Variants in PAX6 observed in about 807,000 individuals in gnomAD.
The protein encoded by PAX6 is paired box protein Pax-6.
In PAX6, 7 loss-of-function variants were observed where a neutral mutation model predicts 60.7. The ratio of observed to expected loss-of-function variants is 0.12; its 90% CI spans 0.07 to 0.22. The LOEUF (loss-of-function observed/expected upper bound fraction) is 0.22, where lower values mean the gene tolerates loss of function less well. Ranked by LOEUF, PAX6 falls within the 10% of genes least tolerant of loss-of-function variation. PAX6 has a pLI of 1.00. For missense variants in PAX6, 355 were observed against 555.2 expected (o/e 0.64, Z 3.62); for synonymous variants, 208 against 201.2 (o/e 1.03, Z -0.29).
upstream of PAX6, among the ~76,000 whole-genome samples, chr11:31,813,460 G>T (rs775734264): frequency 3.3e-5 from 5 of 150,934 alleles, no homozygotes; most frequent in Non-Finnish European, 5.9e-5. Flanking sequence ...ATTAGCGACC[G>T]AGTGGATTAG....
At chr11:31,815,327 C>T (rs1190298561), upstream of PAX6, among the ~76,000 whole-genome samples, 2 of 152,206 alleles carry the variant, frequency 1.3e-5, no homozygotes, top group Non-Finnish European at 2.9e-5. Flanking sequence ...GTAACCTCTG[C>T]CCCCAAGAGG....
At chr11:31,793,386 T>A in intron 12 of PAX6, 52 bp downstream of exon 12, 1 of 1,503,864 alleles carries the variant, frequency 6.6e-7, no homozygotes, top group Non-Finnish European at 9.3e-7. Flanking sequence ...CCTGAGCCAC[T>A]CCTCACTTCT....
At chr11:31,815,980 C>T (rs1228280717), upstream of PAX6, among the ~76,000 whole-genome samples, 1 of 152,058 alleles carries the variant, frequency 6.6e-6, no homozygotes, top group East Asian at 1.9e-4. Context: ...CGGCCCGATG[C>T]CTCTGATTCC....
intron 3 of PAX6, 45 bp from the exon 4 acceptor site, chr11:31,806,507 G>A (rs895361032): frequency 3.3e-6 from 5 of 1,499,878 alleles, no homozygotes; most frequent in South Asian, 1.2e-5. Flanking sequence ...AGCTGCATCA[G>A]GTAGGCCTGA....
At chr11:31,807,293 A>C (rs1956044600) in intron 2 of PAX6, 1 of 152,628 alleles carries the variant, frequency 6.6e-6, no homozygotes. Flanking sequence ...GGAATACCTG[A>C]AGTTTGGAGA....
In PAX6 at chr11:31,789,860, C is replaced by T; in HGVS notation, c.*74G>A. 7.4e-7 allele frequency: 1 copy of T among 1,347,378 alleles called. No homozygotes were observed. The allele number at this position is 1,347,378 out of a possible 1,614,324, so 83.5% of individuals were successfully genotyped here. ...CATTTTTCTTTCTTTCCTGAAAGCT[C>T]AACTGTTGTGTCCCCATAGTCACTG... On this transcript the variant is annotated 3_prime_UTR_variant, in exon 14 of 14. Transcript: ENST00000640368.
At chr11:31,806,142 TC>T in intron 4 of PAX6, 1 of 483,116 alleles carries the variant, frequency 2.1e-6, no homozygotes, top group Non-Finnish European at 3.6e-6. Context: ...GGATGGGGTT[TC>T]TCTACCGCAG....
upstream of PAX6, among the ~76,000 whole-genome samples, chr11:31,813,614 G>T (rs1957237267): frequency 6.6e-6 from 1 of 152,036 alleles, no homozygotes; most frequent in Non-Finnish European, 1.5e-5. Flanking sequence ...CAAAAAATCA[G>T]AAAAGGCAAG....
rs905077670 is a variant in PAX6, at chr11:31,789,806, A to G, written c.*128T>C. 6 of 839,088 alleles carry G rather than the reference A, an allele frequency of 7.2e-6. No individual in the cohort carries two copies. Among genetic ancestry groups the G allele is most frequent in the Non-Finnish European group, 1.2e-5 (6 of 499,494 alleles). The allele number at this position is 839,088 out of a possible 1,614,324, so 52.0% of individuals were successfully genotyped here. On this transcript the variant is annotated 3_prime_UTR_variant, in exon 14 of 14. Transcript: ENST00000640368. Reference sequence around the variant, plus strand: ...TCCCCAGTGGTACAATACAGGACACAATTGTAGAACTGAAGCGGCTCTAAC... The same window carrying G: ...TCCCCAGTGGTACAATACAGGACACGATTGTAGAACTGAAGCGGCTCTAAC...
intron 4 of PAX6, chr11:31,805,209 G>C (rs1267808101): frequency 6.6e-6 from 1 of 152,270 alleles, no homozygotes; most frequent in Non-Finnish European, 1.5e-5. Flanking sequence ...GCTCAGGGCT[G>C]CGCGCCCTGG....
At chr11:31,815,024 C>CTCTCTCTCTCTCTCTCTCTT (rs1957312085), upstream of PAX6, 1 of 149,760 alleles carries the variant, frequency 6.7e-6, no homozygotes, top group Admixed American at 6.6e-5. Flanking sequence ...CTCTCTCTCT[C>CTCTCTCTCTCTCTCTCTCTT]TCTCTTTCTC....
intron 8 of PAX6, among the ~76,000 whole-genome samples, chr11:31,797,542 G>A (rs1419592829): frequency 1.3e-5 from 2 of 151,694 alleles, no homozygotes; most frequent in Non-Finnish European, 2.9e-5. Context: ...TGGGAAGCGG[G>A]GATTGGAATT....
chr11:31,809,625 G>C (rs1032256799), intron 2 of PAX6: 3 of 152,122 alleles, frequency 2.0e-5, no homozygotes, highest in African/African-American at 7.2e-5. Context: ...AAGGAAAGAG[G>C]CAACAACTTT....
intron 5 of PAX6, chr11:31,802,481 T>G: frequency 3.9e-6 from 2 of 507,048 alleles, no homozygotes; most frequent in East Asian, 3.3e-5. Context: ...CTGAAGCAGA[T>G]GAGTTATCTT....
chr11:31,814,990 G>GTC (rs71060502), upstream of PAX6: 8,192 of 130,366 alleles, frequency 0.063, 353 homozygotes, highest in Admixed American at 0.12. Flanking sequence ...AGGCCAGCCT[G>GTC]TCTCTCTCTC....
intron 2 of PAX6, chr11:31,809,927 C>G (rs531607695): frequency 6.6e-6 from 1 of 152,442 alleles, no homozygotes; most frequent in Non-Finnish European, 1.5e-5. Context: ...GGCCGGAGAA[C>G]AGGGAAGAGC....
At chr11:31,792,232 C>G (rs1188220606) in intron 12 of PAX6, 3 of 152,242 alleles carry the variant, frequency 2.0e-5, no homozygotes, top group Non-Finnish European at 4.4e-5. Flanking sequence ...CAATGAGTTC[C>G]TCTAGGCAAC....
At chr11:31,799,902 C>T (rs1296318604) in intron 8 of PAX6, among the ~76,000 whole-genome samples, 3 of 152,104 alleles carry the variant, frequency 2.0e-5, no homozygotes, top group African/African-American at 7.2e-5. Flanking sequence ...ACCAAGCTAC[C>T]TCGGGGTGTG....
intron 2 of PAX6, chr11:31,810,334 C>T (rs1956798535): frequency 6.6e-6 from 1 of 152,440 alleles, no homozygotes; most frequent in African/African-American, 2.4e-5. Flanking sequence ...TCCCTCGGCG[C>T]TCCCTCGGCG....
Sources: gnomAD v4.1 joint callset for allele counts (sites outside exome capture counted in the v4.1 genomes callset) on GRCh38, gnomAD v4.1.1 for gene constraint, MANE v1.5 for transcripts, NCBI Gene and HGNC (gene_info 2026-07-23, HGNC 2026-07-21) for gene names.